ATP5PF: variants seen among roughly 807,000 people sequenced by gnomAD.
ATP5PF encodes the protein ATP synthase peripheral stalk subunit F6, mitochondrial.
ATP5PF carries 7 observed loss-of-function variants against 12.0 expected under a neutral mutation model. The ratio of observed to expected loss-of-function variants is 0.58; its 90% confidence interval spans 0.33 to 1.10. The LOEUF (loss-of-function observed/expected upper bound fraction) is 1.10, where lower values mean the gene tolerates loss of function less well. Ranked by LOEUF, ATP5PF falls within the 50% of genes least tolerant of loss-of-function variation. The pLI is 0.03. For missense variants in ATP5PF, 120 were observed against 127.7 expected (o/e 0.94, Z 0.29); for synonymous variants, 41 against 45.4 (o/e 0.90, Z 0.39).
intron 2 of ATP5PF, among the ~76,000 whole-genome samples, chr21:25,726,104 A>G (rs773227741): frequency 8.5e-5 from 13 of 152,326 alleles, no homozygotes; most frequent in Non-Finnish European, 1.6e-4. Flanking sequence ...CGAGGGTGTA[A>G]ATGCACACGT....
At chr21:25,733,001 A>AG (rs1372728686) in intron 1 of ATP5PF, among the ~76,000 whole-genome samples, 3 of 151,044 alleles carry the variant, frequency 2.0e-5, no homozygotes, top group Non-Finnish European at 4.4e-5. Flanking sequence ...AAAAAAAAAA[A>AG]AAAAAAAAAA....
upstream of ATP5PF, chr21:25,734,994 A>G: frequency 6.5e-7 from 1 of 1,549,482 alleles, no homozygotes; most frequent in Non-Finnish European, 8.7e-7. Flanking sequence ...CTCACCGGAC[A>G]GGAAGCGTCT....
chr21:25,735,385 G>A (rs1245943235), upstream of ATP5PF: 11 of 187,874 alleles, frequency 5.9e-5, no homozygotes, highest in Non-Finnish European at 7.9e-5. Flanking sequence ...TGGACCCGAA[G>A]GTGCCTGGGA....
At chr21:25,735,003 C>T (rs2034976360), upstream of ATP5PF, 17 of 1,545,606 alleles carry the variant, frequency 1.1e-5, no homozygotes, top group East Asian at 2.4e-5. Context: ...CAGGAAGCGT[C>T]TCGGAGACAG....
intron 1 of ATP5PF, among the ~76,000 whole-genome samples, chr21:25,733,639 T>C (rs1254320220): frequency 1.3e-5 from 2 of 152,152 alleles, no homozygotes. Flanking sequence ...ACTAAGGACA[T>C]GCTTAACATT....
intron 2 of ATP5PF, among the ~76,000 whole-genome samples, chr21:25,728,343 T>C (rs2034670844): frequency 1.3e-5 from 2 of 152,152 alleles, no homozygotes; most frequent in South Asian, 4.1e-4. Context: ...AATCCCTCAT[T>C]CTAACCCCAT....
Position 25,724,593 on chromosome 21 carries a change from T to C in ATP5PF, c.*47A>G, listed in dbSNP as rs2034567227. On this transcript the variant is annotated 3_prime_UTR_variant, in exon 4 of 4. Transcript: ENST00000284971. ...TTATTCTGAAACTTCTAACTAGTTGTACAACTAATCCGTGACAAATTACCA... is the reference window on the plus strand; with the variant it reads ...TTATTCTGAAACTTCTAACTAGTTGCACAACTAATCCGTGACAAATTACCA... The C allele has an allele frequency of 5.0e-6, 8 of 1,586,258 alleles. No individual in the cohort carries two copies. The highest frequency in any genetic ancestry group is 6.9e-6 in the Non-Finnish European group (8 of 1,161,640).
rs774407202 is a variant in ATP5PF, at chr21:25,725,255, A to G, written c.260T>C (p.Met87Thr). Residue 87 changes from methionine (M) to threonine (T), a missense_variant, in exon 3 of 4, where the codon ATG becomes ACG. Coordinates refer to ENST00000284971, the MANE Select transcript of ATP5PF (RefSeq NM_001003703.2). ...KLKQMFGNAD[M>T]NTFPTFKFED... ...AAATTTGAAGGTGGGAAATGTATTC[A>G]TGTCTGCATTACCAAACATTTGCTT... 1 of 1,612,946 alleles carries G rather than the reference A, an allele frequency of 6.2e-7. No individual in the cohort carries two copies. Among genetic ancestry groups the G allele is most frequent in the Non-Finnish European group, 8.5e-7 (1 of 1,179,846 alleles).
At chr21:25,734,247 G>A in intron 1 of ATP5PF, 1 of 861,350 alleles carries the variant, frequency 1.2e-6, no homozygotes, top group Non-Finnish European at 1.4e-6. Flanking sequence ...CAGAAAGACT[G>A]GGGAAGGCAA....
At chr21:25,734,775 A>C in intron 1 of ATP5PF, 78 bp downstream of exon 1, 1 of 1,386,382 alleles carries the variant, frequency 7.2e-7, no homozygotes, top group Non-Finnish European at 9.7e-7. Flanking sequence ...TAAAGGTGAG[A>C]GGCAGCCCAG....
upstream of ATP5PF, chr21:25,735,112 T>A: frequency 1.3e-6 from 1 of 754,836 alleles, no homozygotes; most frequent in Non-Finnish European, 2.3e-6. Flanking sequence ...CCGCCATCTT[T>A]TCTTCGCCTA....
intron 1 of ATP5PF, among the ~76,000 whole-genome samples, chr21:25,731,590 G>A (rs531544069): frequency 6.8e-6 from 1 of 146,762 alleles, no homozygotes; most frequent in African/African-American, 2.5e-5. Flanking sequence ...ACGAGGTCTT[G>A]CCATATTGCC....
upstream of ATP5PF, chr21:25,735,229 C>T (rs2034993068): frequency 5.2e-6 from 3 of 581,170 alleles, no homozygotes; most frequent in Non-Finnish European, 6.2e-6. Context: ...GCGTCCTGTT[C>T]GTTAGGGTTA....
intron 2 of ATP5PF, among the ~76,000 whole-genome samples, chr21:25,728,401 T>C (rs1428590875): frequency 1.3e-5 from 2 of 152,198 alleles, no homozygotes; most frequent in Non-Finnish European, 2.9e-5. Flanking sequence ...GAAATAGAAT[T>C]ATACCATTCA....
chr21:25,734,941 G>C, upstream of ATP5PF: 2 of 1,575,472 alleles, frequency 1.3e-6, no homozygotes, highest in Non-Finnish European at 1.7e-6. Context: ...ACGCCTACCC[G>C]CCATCGCAAT....
chr21:25,725,104 AC>A, intron 3 of ATP5PF, 121 bp downstream of exon 3: 1 of 1,331,064 alleles, frequency 7.5e-7, no homozygotes, highest in Non-Finnish European at 1.0e-6. Context: ...TCTCAGGCAC[AC>A]GTCATGGTCC....
intron 3 of ATP5PF, 134 bp downstream of exon 3, chr21:25,725,092 C>G: frequency 8.3e-7 from 1 of 1,202,686 alleles, no homozygotes; most frequent in Non-Finnish European, 1.1e-6. Flanking sequence ...TAGCCGGCAG[C>G]TTCTCAGGCA....
chr21:25,730,737 A>ACAC (rs1491396811), intron 1 of ATP5PF, among the ~76,000 whole-genome samples: 30 of 46,880 alleles, frequency 6.4e-4, no homozygotes, highest in Admixed American at 1.5e-3. Flanking sequence ...TCCGTCTCAC[A>ACAC]AAAAAAAAAA....
intron 1 of ATP5PF, among the ~76,000 whole-genome samples, chr21:25,732,187 C>A (rs1279993490): frequency 6.6e-6 from 1 of 152,136 alleles, no homozygotes; most frequent in African/African-American, 2.4e-5. Context: ...TTTGGTTGTT[C>A]TCACCAAGCT....
Sources: allele counts gnomAD v4.1 joint callset (sites outside exome capture counted in the v4.1 genomes callset), GRCh38; gene constraint gnomAD v4.1.1; transcripts MANE v1.5; gene names NCBI Gene and HGNC (gene_info 2026-07-23, HGNC 2026-07-21).